BACH2: variants seen among roughly 807,000 people sequenced by gnomAD.
BACH2 encodes transcription regulator protein BACH2.
BACH2 carries 5 observed loss-of-function variants against 61.8 expected under a neutral mutation model. That is an observed-to-expected ratio of 0.08 (90% CI 0.04 to 0.17). The LOEUF is 0.17. BACH2 is among the 10% of genes least tolerant of loss of function. The pLI, the probability that BACH2 is intolerant of heterozygous loss-of-function variation, is 1.00. For synonymous variants in BACH2, 446 were observed against 440.1 expected (o/e 1.01, Z -0.17); for missense variants, 824 against 1,091.1 (o/e 0.76, Z 3.45).
At chr6:90,155,744 C>A (rs547832432) in intron 4 of BACH2, among the ~76,000 whole-genome samples, 21 of 152,154 alleles carry the variant, frequency 1.4e-4, no homozygotes, top group Non-Finnish European at 2.8e-4. Flanking sequence ...TTCTAACTTA[C>A]TATAATTTGC....
chr6:89,950,734 G>A lies in BACH2; in HGVS notation c.1372C>T (p.Leu458Phe). ...AGACCCTTTGGCACCGGCTCAGAGA[G>A]GTCTTTGTCCAAACTGCTCACCCCA... ...YSGVSSLDKD[L>F]SEPVPKGLWV... Residue 458 changes from leucine to phenylalanine, a missense_variant, in exon 7 of 9, where the codon CTC becomes TTC. Leu to Phe is a conservative substitution (Grantham distance 22). Around this residue, in one of 8 missense-constraint regions of BACH2, gnomAD observed 102 missense variants for 98.1 expected, o/e 1.04. Transcript: ENST00000257749. The surrounding 1 kb of genome is among the most constrained non-coding windows in gnomAD (Gnocchi z 5.3). 6.2e-7 allele frequency: 1 copy of A among 1,614,148 alleles called. No individual in the cohort carries two copies. The highest frequency in any genetic ancestry group is 8.5e-7 in the Non-Finnish European group (1 of 1,180,028).
At chr6:90,168,170 G>A (rs367796198) in intron 4 of BACH2, among the ~76,000 whole-genome samples, 1 of 152,090 alleles carries the variant, frequency 6.6e-6, no homozygotes, top group African/African-American at 2.4e-5. Flanking sequence ...ACCAGCCTGG[G>A]CAACATAGTG....
intron 5 of BACH2, among the ~76,000 whole-genome samples, chr6:90,037,566 C>T (rs1329230716): frequency 1.3e-5 from 2 of 152,200 alleles, no homozygotes; most frequent in East Asian, 3.8e-4. Context: ...CTACCTCTTT[C>T]TGCAAGAGCT....
At chr6:90,038,169 A>G (rs1779355359) in intron 5 of BACH2, among the ~76,000 whole-genome samples, 1 of 152,202 alleles carries the variant, frequency 6.6e-6, no homozygotes, top group Admixed American at 6.5e-5. Context: ...CTTTTTGGTA[A>G]TTGTTTTAAA....
At chr6:90,132,991 C>G (rs1365994434) in intron 4 of BACH2, among the ~76,000 whole-genome samples, 1 of 152,172 alleles carries the variant, frequency 6.6e-6, no homozygotes, top group Non-Finnish European at 1.5e-5. Flanking sequence ...AACGTGCAGC[C>G]CAGATCTGGA....
intron 1 of BACH2, among the ~76,000 whole-genome samples, chr6:90,284,340 G>A (rs975841157): frequency 6.6e-6 from 1 of 152,176 alleles, no homozygotes; most frequent in African/African-American, 2.4e-5. Flanking sequence ...AGTTCTTCCT[G>A]AGCTAGCTGC....
At chr6:90,209,888 G>A (rs1462504686) in intron 3 of BACH2, among the ~76,000 whole-genome samples, 5 of 152,120 alleles carry the variant, frequency 3.3e-5, no homozygotes, top group Non-Finnish European at 5.9e-5. Flanking sequence ...TAAATATTAC[G>A]ATAGTTTTTT....
intron 4 of BACH2, among the ~76,000 whole-genome samples, chr6:90,169,271 T>C (rs190528620): frequency 3.3e-5 from 5 of 152,352 alleles, no homozygotes; most frequent in African/African-American, 1.2e-4. Flanking sequence ...TCAGAGTTCT[T>C]TATCTTTACA....
intron 1 of BACH2, among the ~76,000 whole-genome samples, chr6:90,295,569 T>C (rs2127896368): frequency 6.6e-6 from 1 of 152,084 alleles, no homozygotes; most frequent in African/African-American, 2.4e-5. Context: ...ACGGAGCGCC[T>C]CGACGCGGGG....
chr6:90,123,481 C>G (rs1273056184), intron 4 of BACH2, among the ~76,000 whole-genome samples: 23 of 152,302 alleles, frequency 1.5e-4, no homozygotes, highest in Non-Finnish European at 1.0e-4. Flanking sequence ...TATAAGAAGA[C>G]CGGTGGGGGC....
intron 5 of BACH2, among the ~76,000 whole-genome samples, chr6:90,052,845 T>A (rs1582271191): frequency 6.6e-6 from 1 of 152,338 alleles, no homozygotes; most frequent in East Asian, 1.9e-4. Context: ...GGTATTATAT[T>A]TTTTAAAAAA....
Position 89,931,775 on chromosome 6 carries a change from T to G in BACH2, c.*633A>C, listed in dbSNP as rs542567661. 1 of 152,498 alleles carries G rather than the reference T, an allele frequency of 6.6e-6. No homozygotes were observed. Among genetic ancestry groups the G allele is most frequent in the East Asian group, 1.9e-4 (1 of 5,312 alleles). The allele number at this position is 152,498 out of a possible 1,614,324, so 9.4% of individuals were successfully genotyped here. On this transcript the variant is annotated 3_prime_UTR_variant, in exon 9 of 9. Transcript: ENST00000257749. ...TCCATAAATAAGTACGAATTGAAAATTGAACTGTGAAGCAAGAAAAATGAC... is the reference window on the plus strand; with the variant it reads ...TCCATAAATAAGTACGAATTGAAAAGTGAACTGTGAAGCAAGAAAAATGAC...
intron 6 of BACH2, among the ~76,000 whole-genome samples, chr6:89,996,549 T>C (rs752219701): frequency 2.0e-5 from 3 of 152,212 alleles, no homozygotes; most frequent in Non-Finnish European, 2.9e-5. Context: ...TCATTTGTGC[T>C]GATAAAAGAT....
chr6:90,079,128 T>C (rs1444844146), intron 5 of BACH2, among the ~76,000 whole-genome samples: 2 of 152,192 alleles, frequency 1.3e-5, no homozygotes, highest in Non-Finnish European at 2.9e-5. Context: ...GTGTTTCTTC[T>C]AGCCACAAAC....
At chr6:90,277,524 G>C (rs9451372) in intron 1 of BACH2, among the ~76,000 whole-genome samples, 1 of 152,156 alleles carries the variant, frequency 6.6e-6, no homozygotes, top group Non-Finnish European at 1.5e-5. Flanking sequence ...TTTCTAGGGC[G>C]CTGATAATGC....
intron 7 of BACH2, among the ~76,000 whole-genome samples, chr6:89,943,550 A>G (rs1240416448): frequency 6.6e-6 from 1 of 152,180 alleles, no homozygotes; most frequent in Admixed American, 6.5e-5. Flanking sequence ...TTGCTCTGGT[A>G]GATTTCCCCG....
chr6:90,163,020 G>T lies in BACH2; in HGVS notation c.-162+43549C>A, dbSNP rs78327885. On this transcript the variant is annotated intron_variant, in intron 4 of 8. Coordinates refer to ENST00000257749, the MANE Select transcript of BACH2 (RefSeq NM_021813.4). Reference sequence around the variant, plus strand: ...TCAAATTTTCCTAAGTTCCCGAAAAGCTTATTTTTCCTAAGTGTACCCATC... The same window carrying T: ...TCAAATTTTCCTAAGTTCCCGAAAATCTTATTTTTCCTAAGTGTACCCATC... Among the ~76,000 whole-genome samples the T allele has an allele frequency of 8.5e-3, 1,295 of 152,212 alleles. 13 individuals are homozygous for T. Among genetic ancestry groups the T allele is most frequent in the South Asian group, 0.016 (76 of 4,824 alleles).
Position 90,218,521 on chromosome 6 carries a change from A to T in BACH2, c.-274-11840T>A, listed in dbSNP as rs1323991481. ...TCTTTTCTTTCTTTTTTTTTTTTTT[A>T]ATTTCCACTGCCTCACTGTGTTTTT... On this transcript the variant is annotated intron_variant, in intron 3 of 8. Coordinates refer to ENST00000257749, the MANE Select transcript of BACH2 (RefSeq NM_021813.4). Among the ~76,000 whole-genome samples, 585 of 130,998 alleles carry T rather than the reference A, an allele frequency of 4.5e-3. 3 individuals carry two copies. The highest frequency in any genetic ancestry group is 0.015 in the African/African-American group (521 of 34,572). The allele number at this position is 130,998 out of a possible 152,430, so 85.9% of individuals were successfully genotyped here.
chr6:89,947,686 C>T (rs1773817758), intron 7 of BACH2, among the ~76,000 whole-genome samples: 1 of 152,038 alleles, frequency 6.6e-6, no homozygotes, highest in Non-Finnish European at 1.5e-5. Flanking sequence ...CTGCCTCAGC[C>T]TCCTGAGTAG....
Sources: allele counts gnomAD v4.1 joint callset (sites outside exome capture counted in the v4.1 genomes callset), GRCh38; gene constraint gnomAD v4.1.1; regional missense constraint gnomAD v4.1.1; non-coding constraint Gnocchi (gnomAD v3.1); transcripts MANE v1.5; gene names NCBI Gene and HGNC (gene_info 2026-07-23, HGNC 2026-07-21).